Variants in FPGT observed in about 807,000 individuals in gnomAD.
The protein encoded by FPGT is GDP-L-fucose diphosphorylase.
In FPGT, 41 loss-of-function variants were observed where a neutral mutation model predicts 45.8. That is an observed-to-expected ratio of 0.90 (90% CI 0.70 to 1.16). The LOEUF (loss-of-function observed/expected upper bound fraction) is 1.16, where lower values mean the gene tolerates loss of function less well. Ranked by LOEUF, FPGT falls within the 50% of genes most tolerant of loss-of-function variation. The pLI is 0.00. For missense variants in FPGT, 755 were observed against 689.1 expected (o/e 1.10, Z -1.07); for synonymous variants, 292 against 247.2 (o/e 1.18, Z -1.70).
intron 3 of FPGT, among the ~76,000 whole-genome samples, chr1:74,202,271 G>C (rs1651867191): frequency 6.6e-6 from 1 of 152,138 alleles, no homozygotes; most frequent in African/African-American, 2.4e-5. Flanking sequence ...CCAGTCCAGG[G>C]ACAGGTATTT....
At position 74,204,686 on chromosome 1, in the gene FPGT, T is replaced by C; in HGVS notation, c.639T>C (p.Asp213=). The C allele has an allele frequency of 1.9e-6, 3 of 1,613,640 alleles. No homozygotes were observed. Among genetic ancestry groups the C allele is most frequent in the Non-Finnish European group, 2.5e-6 (3 of 1,179,554 alleles). The change falls in exon 4 of 4, where the codon GAT becomes GAC. Residue 213 remains aspartate (D), a synonymous_variant. Transcript: ENST00000370898. ...TATTTGTCTTAGATCCTTTTGATGA[T>C]TTAAAACATAGAGACCTTGAATACA... ...HGVFVLDPFD[D]LKHRDLEYRS...
chr1:74,198,315 C>G lies in FPGT; in HGVS notation c.37C>G (p.Arg13Gly), dbSNP rs201738008. The G allele has an allele frequency of 9.2e-5, 148 of 1,614,002 alleles. No homozygotes were observed. The highest frequency in any genetic ancestry group is 1.2e-4 in the Non-Finnish European group (147 of 1,180,044). The part of the protein sequence containing the change: ...AARDPPEVSL[R>G]EATQRKLRRF... Reference sequence around the variant, plus strand: ...TAGGGACCCTCCGGAAGTATCGCTGCGAGAAGCCACCCAGCGAAAATTGCG... The same window carrying G: ...TAGGGACCCTCCGGAAGTATCGCTGGGAGAAGCCACCCAGCGAAAATTGCG... Residue 13 changes from arginine to glycine, a missense_variant, in exon 1 of 4, where the codon CGA (arginine) becomes GGA (glycine). Arg to Gly is a moderately radical substitution (Grantham distance 125). Transcript: ENST00000370898.
chr1:74,204,866 A>G lies in FPGT; in HGVS notation c.819A>G (p.Leu273=). The stretch of plus-strand genomic sequence containing the variant: ...CTGACTATGTCTACACAGATAGCCT[A>G]TTTTATATGGATCATAAATCAGCAA... ...LDSDYVYTDS[L]FYMDHKSAKM... The change falls in exon 4 of 4, where the codon CTA becomes CTG. Residue 273 remains leucine (L), a synonymous_variant. Transcript: ENST00000370898. The G allele has an allele frequency of 6.2e-7, 1 of 1,613,756 alleles. No individual in the cohort carries two copies. The highest frequency in any genetic ancestry group is 8.5e-7 in the Non-Finnish European group (1 of 1,179,966).
rs1251301348 is a variant in FPGT at position 74,208,158 on chromosome 1, GA to G, written c.*2329del. On this transcript the variant is annotated 3_prime_UTR_variant, in exon 4 of 4. Transcript: ENST00000370898. ...GGCACATTCTGTTTTCTGGGGTGTC[GA>G]AATGTGGATAAAAAAAGATGAATTA... Among the ~76,000 whole-genome samples, 2 of 150,818 alleles carry G rather than the reference GA, an allele frequency of 1.3e-5. No homozygotes were observed. Among genetic ancestry groups the G allele is most frequent in the Non-Finnish European group, 3.0e-5 (2 of 67,792 alleles).
At position 74,198,267 on chromosome 1, in the gene FPGT, G is replaced by A. The variant is rs1651386475; in HGVS notation, c.-12G>A. On this transcript the variant is annotated 5_prime_UTR_variant, in exon 1 of 4. Coordinates refer to ENST00000370898, the MANE Select transcript of FPGT (RefSeq NM_003838.5). ...GCGTGCTGTGCGGCGCGGTCTCAGG[G>A]AAGGTGGGGCTATGGCAGCTGCTAG... 2.5e-6 allele frequency: 4 copies of A among 1,613,454 alleles called. No individual in the cohort carries two copies. Among genetic ancestry groups the A allele is most frequent in the Non-Finnish European group, 3.4e-6 (4 of 1,179,672 alleles).
Position 74,205,159 on chromosome 1 carries a change from C to T in FPGT, c.1112C>T (p.Ser371Leu). 1.2e-6 allele frequency: 2 copies of T among 1,613,026 alleles called. No individual in the cohort carries two copies. Among genetic ancestry groups the T allele is most frequent in the Non-Finnish European group, 1.7e-6 (2 of 1,179,000 alleles). Residue 371 changes from serine to leucine, a missense_variant, in exon 4 of 4, where the codon TCA becomes TTA. Coordinates refer to ENST00000370898, the MANE Select transcript of FPGT (RefSeq NM_003838.5). ...TTEEYLFYFT[S>L]DNSLKSELGL... Reference sequence around the variant, plus strand: ...GAAGAATATTTGTTTTACTTTACCTCAGATAACAGTTTAAAGTCAGAGCTC... The same window carrying T: ...GAAGAATATTTGTTTTACTTTACCTTAGATAACAGTTTAAAGTCAGAGCTC...
intron 3 of FPGT, among the ~76,000 whole-genome samples, chr1:74,203,950 G>T (rs1652038239): frequency 6.6e-6 from 1 of 151,702 alleles, no homozygotes; most frequent in African/African-American, 2.4e-5. Flanking sequence ...GCTGAGGCAG[G>T]AGAATCGCTT....
rs577530531 is a variant in FPGT at position 74,208,571 on chromosome 1, A to G, written c.*2739A>G. ...TAAACTTATTGATGATTTAATAACT[A>G]TCAACAAGGGCATGGGAAAAATTCA... On this transcript the variant is annotated 3_prime_UTR_variant, in exon 4 of 4. Transcript: ENST00000370898. 1.3e-5 allele frequency among the ~76,000 whole-genome samples: 2 copies of G among 152,122 alleles called. No homozygotes were observed. Among genetic ancestry groups the G allele is most frequent in the African/African-American group, 4.8e-5 (2 of 41,450 alleles).
At position 74,206,074 on chromosome 1, in the gene FPGT, T is replaced by C. The variant is rs1301589664; in HGVS notation, c.*242T>C. The C allele has an allele frequency of 9.2e-6, 3 of 326,040 alleles. No homozygotes were observed. In the East Asian group the frequency reaches 1.5e-4, roughly 16 times the overall value. 20.2% of individuals were successfully genotyped at this position (326,040 alleles called of 1,614,324 possible). On this transcript the variant is annotated 3_prime_UTR_variant, in exon 4 of 4. Coordinates refer to ENST00000370898, the MANE Select transcript of FPGT (RefSeq NM_003838.5). ...TATTTTTGTTTTTAATAATGATTGA[T>C]TTGTGGAGCATTGTTTTTTCACATA...
intron 2 of FPGT, 114 bp downstream of exon 2, chr1:74,199,945 A>T: frequency 1.7e-6 from 2 of 1,187,386 alleles, no homozygotes; most frequent in Non-Finnish European, 2.3e-6. Flanking sequence ...ACAGCTTTAC[A>T]AACTTTAAAA....
In FPGT at chr1:74,207,614, T is replaced by G. The variant is rs1472761753; in HGVS notation, c.*1782T>G. 5.9e-5 allele frequency among the ~76,000 whole-genome samples: 9 copies of G among 152,188 alleles called. No individual in the cohort carries two copies. Among genetic ancestry groups the G allele is most frequent in the Admixed American group, 4.6e-4 (7 of 15,284 alleles). The stretch of plus-strand genomic sequence containing the variant: ...TCACAGGTCCTTAGAAGATCGGACC[T>G]GTGATTCTATTCAAAGTCAGAAAGA... On this transcript the variant is annotated 3_prime_UTR_variant, in exon 4 of 4. Transcript: ENST00000370898.
At position 74,206,610 on chromosome 1, in the gene FPGT, AT is replaced by A; in HGVS notation, c.*779del. The A allele has an allele frequency of 6.6e-6, 1 of 152,222 alleles. No homozygotes were observed. Among genetic ancestry groups the A allele is most frequent in the East Asian group, 1.9e-4 (1 of 5,180 alleles). 9.4% of individuals were successfully genotyped at this position (152,222 alleles called of 1,614,324 possible). On this transcript the variant is annotated 3_prime_UTR_variant, in exon 4 of 4. Coordinates refer to ENST00000370898, the MANE Select transcript of FPGT (RefSeq NM_003838.5). Reference sequence around the variant, plus strand: ...TTTCACTATAGACATTACTTGCATTATCTCCTATCAGTCCTTCTAACAAAAC... The same window carrying A: ...TTTCACTATAGACATTACTTGCATTACTCCTATCAGTCCTTCTAACAAAAC...
rs1329905607 is a variant in FPGT, at chr1:74,207,830, G to A, written c.*1998G>A. On this transcript the variant is annotated 3_prime_UTR_variant, in exon 4 of 4. Transcript: ENST00000370898. ...TTATCTACTTACAGAGCGTTCAGAG[G>A]ATGTTATATGTTTATTAAGTGCTCA... Among the ~76,000 whole-genome samples, 1 of 151,984 alleles carries A rather than the reference G, an allele frequency of 6.6e-6. No homozygotes were observed. Among genetic ancestry groups the A allele is most frequent in the East Asian group, 1.9e-4 (1 of 5,176 alleles).
At chr1:74,204,140 G>A (rs111794122) in intron 3 of FPGT, among the ~76,000 whole-genome samples, 27 of 151,828 alleles carry the variant, frequency 1.8e-4, no homozygotes, top group African/African-American at 6.3e-4. Context: ...AGATTCTACA[G>A]TATATTTAAA....
At chr1:74,204,089 G>T (rs1413794722) in intron 3 of FPGT, among the ~76,000 whole-genome samples, 2 of 151,058 alleles carry the variant, frequency 1.3e-5, no homozygotes, top group Admixed American at 1.3e-4. Context: ...TTGGGCCGTG[G>T]TCCTTCTTAT....
Position 74,205,584 on chromosome 1 carries a change from T to A in FPGT, c.1537T>A (p.Phe513Ile). 3.1e-6 allele frequency: 5 copies of A among 1,613,912 alleles called. No homozygotes were observed. Among genetic ancestry groups the A allele is most frequent in the Non-Finnish European group, 4.2e-6 (5 of 1,179,810 alleles). Residue 513 changes from phenylalanine to isoleucine, a missense_variant, in exon 4 of 4, where the codon TTC becomes ATC. By Grantham distance (21) the Phe-to-Ile change is conservative. Transcript: ENST00000370898. ...GAATCTTAAAGTTACAGAGGAACTGTTCTCTGGTAACAAGACATGTCTGAG... is the reference window on the plus strand; with the variant it reads ...GAATCTTAAAGTTACAGAGGAACTGATCTCTGGTAACAAGACATGTCTGAG... ...VWNLKVTEEL[F>I]SGNKTCLSLW...
chr1:74,202,969 C>T (rs1369835958), intron 3 of FPGT, among the ~76,000 whole-genome samples: 3 of 152,146 alleles, frequency 2.0e-5, no homozygotes, highest in African/African-American at 7.2e-5. Context: ...ATGCTGCCTT[C>T]TGAAAGACCT....
In FPGT at chr1:74,201,392, A is replaced by G. The variant is rs188126763; in HGVS notation, c.325A>G (p.Ile109Val). ...LYGDKWNSFT[I>V]LLIHSGGYSQ... Reference sequence around the variant, plus strand: ...TGGAGATAAATGGAATTCTTTTACCATCTTATTAATTCACTCTGGTAATGT... The same window carrying G: ...TGGAGATAAATGGAATTCTTTTACCGTCTTATTAATTCACTCTGGTAATGT... The change falls in exon 3 of 4, where the codon ATC (isoleucine) becomes GTC (valine). Residue 109 changes from isoleucine to valine, a missense_variant. By Grantham distance (29) the Ile-to-Val change is conservative. Transcript: ENST00000370898. 2.6e-5 allele frequency: 42 copies of G among 1,607,702 alleles called. No individual in the cohort carries two copies. Among genetic ancestry groups the G allele is most frequent in the South Asian group, 1.2e-4 (11 of 90,564 alleles).
At position 74,207,206 on chromosome 1, in the gene FPGT, A is replaced by G. The variant is rs1222606519; in HGVS notation, c.*1374A>G. 6.6e-6 allele frequency: 1 copy of G among 152,168 alleles called. No homozygotes were observed. The highest frequency in any genetic ancestry group is 1.5e-5 in the Non-Finnish European group (1 of 67,994). 9.4% of individuals were successfully genotyped at this position (152,168 alleles called of 1,614,324 possible). A position where few individuals can be genotyped will look rare whatever the true frequency, so the allele number is the denominator to read the frequency against. Reference sequence around the variant, plus strand: ...TTTTATGTTCCATTAAGAAAAACACAATAAAACATGACACTGCTTTTTTTG... The same window carrying G: ...TTTTATGTTCCATTAAGAAAAACACGATAAAACATGACACTGCTTTTTTTG... On this transcript the variant is annotated 3_prime_UTR_variant, in exon 4 of 4. Coordinates refer to ENST00000370898, the MANE Select transcript of FPGT (RefSeq NM_003838.5).
Sources: gnomAD v4.1 joint callset for allele counts (sites outside exome capture counted in the v4.1 genomes callset) on GRCh38, gnomAD v4.1.1 for gene constraint, MANE v1.5 for transcripts, NCBI Gene and HGNC (gene_info 2026-07-23, HGNC 2026-07-21) for gene names.